ABCA3: variants seen among roughly 807,000 people sequenced by gnomAD.
ABCA3 encodes phospholipid-transporting ATPase ABCA3.
In ABCA3, 88 loss-of-function variants were observed where a neutral mutation model predicts 172.8. That is an observed-to-expected ratio of 0.51 (90% confidence interval 0.43 to 0.61). The LOEUF (loss-of-function observed/expected upper bound fraction) is 0.61, where lower values mean the gene tolerates loss of function less well. Ranked by LOEUF, ABCA3 falls within the 20% of genes least tolerant of loss-of-function variation. The pLI, the probability that ABCA3 is intolerant of heterozygous loss-of-function variation, is 0.00. For synonymous variants in ABCA3, 1,066 were observed against 983.8 expected, an observed-to-expected ratio of 1.08 and a Z score of -1.56; for missense variants, 2,164 against 2,301.0, an observed-to-expected ratio of 0.94 and a Z score of 1.22.
At chr16:2,288,383 A>G (rs1324337497) in intron 20 of ABCA3, 54 bp from the exon 21 acceptor site, 1 of 1,516,260 alleles carries the variant, frequency 6.6e-7, no homozygotes, top group Non-Finnish European at 8.8e-7. Flanking sequence ...CCAGCGCCTG[A>G]CCCCCACCCA....
In ABCA3 at chr16:2,283,333, A is replaced by G. The variant is rs759458137; in HGVS notation, c.3888T>C (p.Tyr1296=). ...GGCCGACCCCCGGGGCGCTCCAGGC[A>G]TAGAAGTTCTCCTGGTACTGGATGT... ...KYNIQYQENF[Y]AWSAPGVGRF... Residue 1296 remains tyrosine, a synonymous_variant, in exon 26 of 33, where the codon TAT becomes TAC. Transcript: ENST00000301732. The surrounding 1 kb of genome is among the most constrained non-coding windows in gnomAD (Gnocchi z 5.4). The G allele has an allele frequency of 9.9e-6, 16 of 1,613,148 alleles. No individual in the cohort carries two copies. The highest frequency in any genetic ancestry group is 1.7e-5 in the Admixed American group (1 of 60,034).
Position 2,297,948 on chromosome 16 carries a change from T to A in ABCA3, c.1897-27A>T. 3 of 1,612,666 alleles carry A rather than the reference T, an allele frequency of 1.9e-6. No homozygotes were observed. The highest frequency in any genetic ancestry group is 2.5e-6 in the Non-Finnish European group (3 of 1,179,922). On this transcript the variant is annotated intron_variant, in intron 15 of 32. Transcript: ENST00000301732. This position sits in a 1 kb window ranked among gnomAD's most constrained non-coding sequence, Gnocchi z 5.6. ...TGCAACGACAGGGGACGCAGGGAGA[T>A]GCAGGGCTCCTGGCGGGAGGCCGAC...
At chr16:2,308,352 C>A in intron 11 of ABCA3, 98 bp downstream of exon 11, 2 of 1,477,846 alleles carry the variant, frequency 1.4e-6, no homozygotes, top group Non-Finnish European at 1.9e-6. Context: ...GCCTGCCAAC[C>A]GTCCCAGGTG....
chr16:2,282,349 T>C lies in ABCA3; in HGVS notation c.4035+837A>G, dbSNP rs552401420. ...CCTGGCTTCAGGTGATCCACCTACC[T>C]CTGCTTTCTAAAGTGCTGGGATTAC... On this transcript the variant is annotated intron_variant, in intron 26 of 32. Coordinates refer to ENST00000301732, the MANE Select transcript of ABCA3 (RefSeq NM_001089.3). Among the ~76,000 whole-genome samples the C allele has an allele frequency of 6.2e-4, 95 of 152,318 alleles. 1 individual carries two copies. Among genetic ancestry groups the C allele is most frequent in the African/African-American group, 2.2e-3 (91 of 41,570 alleles).
At chr16:2,300,976 A>G (rs1385405262) in intron 12 of ABCA3, among the ~76,000 whole-genome samples, 3 of 150,138 alleles carry the variant, frequency 2.0e-5, no homozygotes, top group East Asian at 1.9e-4. Flanking sequence ...CGAGCCTGTA[A>G]TCCCAGCACT....
In ABCA3 at chr16:2,287,824, A is replaced by T. The variant is rs547888002; in HGVS notation, c.3004+202T>A. On this transcript the variant is annotated intron_variant, in intron 21 of 32. Coordinates refer to ENST00000301732, the MANE Select transcript of ABCA3 (RefSeq NM_001089.3). The surrounding 1 kb of genome is among the most constrained non-coding windows in gnomAD (Gnocchi z 4.1). ...AGTGCCGTGATCTGCCACCCAGGGG[A>T]CATCCGCAATGTTTCCAGGCATGTT... Among the ~76,000 whole-genome samples the T allele has an allele frequency of 1.3e-5, 2 of 152,308 alleles. No homozygotes were observed. The highest frequency in any genetic ancestry group is 2.9e-5 in the Non-Finnish European group (2 of 68,026).
chr16:2,319,940 G>T, intron 7 of ABCA3, 100 bp from the exon 8 acceptor site: 4 of 1,523,752 alleles, frequency 2.6e-6, no homozygotes, highest in Non-Finnish European at 3.6e-6. Context: ...GATGCTTGGG[G>T]CAACAGAGTG....
chr16:2,306,818 A>G (rs1327547100), intron 11 of ABCA3, among the ~76,000 whole-genome samples: 1 of 152,070 alleles, frequency 6.6e-6, no homozygotes, highest in East Asian at 1.9e-4. Flanking sequence ...GATCGAGACC[A>G]TCCTGGCTAA....
At chr16:2,293,457 G>T (rs2093675181) in intron 18 of ABCA3, among the ~76,000 whole-genome samples, 1 of 136,184 alleles carries the variant, frequency 7.3e-6, no homozygotes, top group African/African-American at 2.8e-5. Flanking sequence ...CTGAAGCCTT[G>T]ACCTCCCGGG....
At position 2,288,211 on chromosome 16, in the gene ABCA3, GC is replaced by G; in HGVS notation, c.2818del (p.Ala940ProfsTer17). 1 of 1,599,974 alleles carries G rather than the reference GC, an allele frequency of 6.3e-7. No homozygotes were observed. The highest frequency in any genetic ancestry group is 8.5e-7 in the Non-Finnish European group (1 of 1,173,304). The part of the protein sequence containing the change: ...VLVPLTCVTL[A>X]LLAINYSSEL... The stretch of plus-strand genomic sequence containing the variant: ...CGAGGAGTAGTTGATGGCCAGGAGG[GC>G]CAGGGTGACGCAGGTCAGAGGCACC... On this transcript the variant is annotated frameshift_variant, in exon 21 of 33. Transcript: ENST00000301732. LOFTEE classifies it high-confidence loss of function.
intron 1 of ABCA3, among the ~76,000 whole-genome samples, chr16:2,336,185 T>C (rs994301610): frequency 6.6e-6 from 1 of 152,300 alleles, no homozygotes; most frequent in African/African-American, 2.4e-5. Flanking sequence ...TTCCCAATGA[T>C]GCTACAAGCG....
In ABCA3 at chr16:2,278,644, A is replaced by C. The variant is rs1365048082; in HGVS notation, c.4548-186T>G. 2.0e-5 allele frequency among the ~76,000 whole-genome samples: 3 copies of C among 152,184 alleles called. No individual in the cohort carries two copies. The highest frequency in any genetic ancestry group is 4.4e-5 in the Non-Finnish European group (3 of 68,022). On this transcript the variant is annotated intron_variant, in intron 29 of 32. Coordinates refer to ENST00000301732, the MANE Select transcript of ABCA3 (RefSeq NM_001089.3). This position sits in a 1 kb window ranked among gnomAD's most constrained non-coding sequence, Gnocchi z 4.4. ...CGCATAGGGCTGGAGGCCCCAGAGA[A>C]GGCTGTTCCCAGGGGCCCGGTGCAC...
At position 2,281,550 on chromosome 16, in the gene ABCA3, G is replaced by C. The variant is rs546506368; in HGVS notation, c.4036-41C>G. On this transcript the variant is annotated intron_variant, in intron 26 of 32. Transcript: ENST00000301732. This position sits in a 1 kb window ranked among gnomAD's most constrained non-coding sequence, Gnocchi z 4.7. ...AAAGACCGCATGCGTGAACCCAGCC[G>C]CAGGGCGGCTTCCGTGGAGAAGGGA... The C allele has an allele frequency of 1.2e-6, 2 of 1,609,516 alleles. No homozygotes were observed. Among genetic ancestry groups the C allele is most frequent in the Middle Eastern group, 1.7e-4 (1 of 5,938 alleles).
In ABCA3 at chr16:2,276,441, C is replaced by G. The variant is rs2093646481; in HGVS notation, c.*233G>C. 1.0e-5 allele frequency: 8 copies of G among 781,302 alleles called. No individual in the cohort carries two copies. The East Asian group carries it at 2.4e-4, about 24-fold the overall frequency. The allele number at this position is 781,302 out of a possible 1,614,324, so 48.4% of individuals were successfully genotyped here. A position where few individuals can be genotyped will look rare whatever the true frequency, so the allele number is the denominator to read the frequency against. On this transcript the variant is annotated 3_prime_UTR_variant, in exon 33 of 33. Coordinates refer to ENST00000301732, the MANE Select transcript of ABCA3 (RefSeq NM_001089.3). Reference sequence around the variant, plus strand: ...CCGCAGACTGCCCGGCCTGCCCCAGCTCTGGGAAAGTGAACTCCAGAGTAT... The same window carrying G: ...CCGCAGACTGCCCGGCCTGCCCCAGGTCTGGGAAAGTGAACTCCAGAGTAT...
At position 2,276,740 on chromosome 16, in the gene ABCA3, G is replaced by T; in HGVS notation, c.5049C>A (p.Ile1683=). The T allele has an allele frequency of 1.2e-6, 2 of 1,614,034 alleles. No homozygotes were observed. Among genetic ancestry groups the T allele is most frequent in the Non-Finnish European group, 1.7e-6 (2 of 1,180,046 alleles). ...AGCTCAGGAAGACCTGTTCCAGCGA[G>T]ATCTGGCTCACGGAGTAGTCGTCCA... ...YGVDDYSVSQ[I]SLEQVFLSFA... Residue 1683 remains isoleucine (I), a synonymous_variant, in exon 33 of 33, where the codon ATC becomes ATA. Coordinates refer to ENST00000301732, the MANE Select transcript of ABCA3 (RefSeq NM_001089.3).
intron 1 of ABCA3, among the ~76,000 whole-genome samples, chr16:2,334,301 G>A (rs1053804556): frequency 3.3e-5 from 5 of 152,092 alleles, no homozygotes; most frequent in African/African-American, 9.7e-5. Context: ...CAGGAAAGGC[G>A]CAGACCCTGG....
At position 2,308,731 on chromosome 16, in the gene ABCA3, C is replaced by A. The variant is rs1403555005; in HGVS notation, c.1112-108G>T. 8 of 1,302,468 alleles carry A rather than the reference C, an allele frequency of 6.1e-6. No individual in the cohort carries two copies. In the East Asian group the frequency reaches 1.7e-4, roughly 28 times the overall value. The allele number at this position is 1,302,468 out of a possible 1,614,324, so 80.7% of individuals were successfully genotyped here. ...CTACTCCTGGGGCCGAGCCACCCAA[C>A]CTGCTCCTGGCACTTGCCATCTACA... On this transcript the variant is annotated intron_variant, in intron 10 of 32. Transcript: ENST00000301732.
At chr16:2,303,506 G>A (rs2093692745) in intron 12 of ABCA3, among the ~76,000 whole-genome samples, 1 of 151,542 alleles carries the variant, frequency 6.6e-6, no homozygotes, top group Non-Finnish European at 1.5e-5. Flanking sequence ...TCCTGACCTC[G>A]TGATCCACCC....
chr16:2,318,281 G>A (rs1313930781), intron 8 of ABCA3, among the ~76,000 whole-genome samples: 5 of 152,090 alleles, frequency 3.3e-5, no homozygotes, highest in African/African-American at 1.2e-4. Context: ...AGGACGAGGC[G>A]CAGTGATGGG....
Sources: allele counts gnomAD v4.1 joint callset (sites outside exome capture counted in the v4.1 genomes callset), GRCh38; gene constraint gnomAD v4.1.1; non-coding constraint Gnocchi (gnomAD v3.1); transcripts MANE v1.5; gene names NCBI Gene and HGNC (gene_info 2026-07-23, HGNC 2026-07-21).